Variants in AGAP1 observed in about 807,000 individuals in gnomAD.
AGAP1 encodes the protein arf-GAP with GTPase, ANK repeat and PH domain-containing protein 1.
In AGAP1, 29 loss-of-function variants were observed where a neutral mutation model predicts 105.3. The observed-to-expected ratio is 0.28, with a 90% CI of 0.21 to 0.38. The LOEUF (loss-of-function observed/expected upper bound fraction) is 0.38. Ranked by LOEUF, AGAP1 falls within the 10% of genes least tolerant of loss-of-function variation. The pLI, the probability that AGAP1 is intolerant of heterozygous loss-of-function variation, is 1.00. For synonymous variants in AGAP1, 509 were observed against 485.9 expected (o/e 1.05, Z -0.63); for missense variants, 998 against 1,165.1 (o/e 0.86, Z 2.09).
chr2:235,571,820 A>T (rs945704253), intron 1 of AGAP1, among the ~76,000 whole-genome samples: 1 of 151,436 alleles, frequency 6.6e-6, no homozygotes, highest in African/African-American at 2.4e-5. Flanking sequence ...CTGGTCTCAA[A>T]CTCCTAGGCT....
intron 4 of AGAP1, among the ~76,000 whole-genome samples, chr2:235,742,486 G>A (rs999878436): frequency 1.3e-5 from 2 of 152,206 alleles, no homozygotes; most frequent in African/African-American, 4.8e-5. Flanking sequence ...GAAAGACCTT[G>A]AAGACGTGTT....
rs565915249 is a variant in AGAP1, at chr2:235,973,793, C to T, written c.1645+5170C>T. Among the ~76,000 whole-genome samples the T allele has an allele frequency of 3.3e-5, 5 of 152,224 alleles. No individual in the cohort carries two copies. Among genetic ancestry groups the T allele is most frequent in the South Asian group, 2.1e-4 (1 of 4,826 alleles). On this transcript the variant is annotated intron_variant, in intron 13 of 17. Coordinates refer to ENST00000304032, the MANE Select transcript of AGAP1 (RefSeq NM_001037131.3). The surrounding 1 kb of genome is among the most constrained non-coding windows in gnomAD (Gnocchi z 4.7). Reference sequence around the variant, plus strand: ...GAGTGACCCCGACCCTGCATGGGGTCGGCATGGGTTGGACCAGGGCAGAGG... The same window carrying T: ...GAGTGACCCCGACCCTGCATGGGGTTGGCATGGGTTGGACCAGGGCAGAGG...
chr2:235,598,723 GTGCTGACTGTGCCACTCAGCA>G (rs1945627669), intron 1 of AGAP1, among the ~76,000 whole-genome samples: 1 of 152,200 alleles, frequency 6.6e-6, no homozygotes. Flanking sequence ...GTCCCTCCGG[GTGCTGACTGTGCCACTCAGCA>G]TGGTGGCCCA....
intron 6 of AGAP1, among the ~76,000 whole-genome samples, chr2:235,771,998 T>C (rs200710981): frequency 0.023 from 2,058 of 88,356 alleles, 48 homozygotes; most frequent in African/African-American, 0.064. Flanking sequence ...TCTTTTCTTA[T>C]CTTTTTTTTT....
Position 235,905,795 on chromosome 2 carries a change from C to T in AGAP1, c.1156-2943C>T, listed in dbSNP as rs148144150. On this transcript the variant is annotated intron_variant, in intron 10 of 17. Transcript: ENST00000304032. The surrounding 1 kb of genome is among the most constrained non-coding windows in gnomAD (Gnocchi z 4.2). ...ATTACAGGCGTGAGCCACCGCGCCCCGCCTGATGTGCTTTTCATTTGTCAC... is the reference window on the plus strand; with the variant it reads ...ATTACAGGCGTGAGCCACCGCGCCCTGCCTGATGTGCTTTTCATTTGTCAC... Among the ~76,000 whole-genome samples the T allele has an allele frequency of 7.2e-5, 11 of 152,298 alleles. No individual in the cohort carries two copies. In the East Asian group the frequency reaches 1.4e-3, roughly 19 times the overall value.
rs1010618450 is a variant in AGAP1 at position 235,549,159 on chromosome 2, T to C, written c.163+54310T>C. Among the ~76,000 whole-genome samples, 9 of 152,222 alleles carry C rather than the reference T, an allele frequency of 5.9e-5. No homozygotes were observed. The highest frequency in any genetic ancestry group is 1.0e-4 in the Non-Finnish European group (7 of 68,034). On this transcript the variant is annotated intron_variant, in intron 1 of 17. Transcript: ENST00000304032. This position sits in a 1 kb window ranked among gnomAD's most constrained non-coding sequence, Gnocchi z 4.2. ...TCTTCTTCCTGGATTTTATACCTCCTAGTTCTTTGAGGACAGTTTGCCACG... is the reference window on the plus strand; with the variant it reads ...TCTTCTTCCTGGATTTTATACCTCCCAGTTCTTTGAGGACAGTTTGCCACG...
At position 235,574,827 on chromosome 2, in the gene AGAP1, C is replaced by G. The variant is rs763925103; in HGVS notation, c.163+79978C>G. Among the ~76,000 whole-genome samples the G allele has an allele frequency of 2.6e-5, 4 of 152,168 alleles. No individual in the cohort carries two copies. The highest frequency in any genetic ancestry group is 5.9e-5 in the Non-Finnish European group (4 of 68,024). On this transcript the variant is annotated intron_variant, in intron 1 of 17. Coordinates refer to ENST00000304032, the MANE Select transcript of AGAP1 (RefSeq NM_001037131.3). This position sits in a 1 kb window ranked among gnomAD's most constrained non-coding sequence, Gnocchi z 5.0. ...TTTTCTGAGACCTTTGGTTTAGAAT[C>G]TAAACTTTGTTGAGGCTGGGCGCAG...
chr2:236,014,428 G>T lies in AGAP1; in HGVS notation c.1646-22133G>T, dbSNP rs765252205. Among the ~76,000 whole-genome samples, 9 of 152,218 alleles carry T rather than the reference G, an allele frequency of 5.9e-5. No homozygotes were observed. Among genetic ancestry groups the T allele is most frequent in the Non-Finnish European group, 1.2e-4 (8 of 68,040 alleles). On this transcript the variant is annotated intron_variant, in intron 13 of 17. Transcript: ENST00000304032. This position sits in a 1 kb window ranked among gnomAD's most constrained non-coding sequence, Gnocchi z 6.3. ...ATTTGGCCGAATCAAAGGGCTTGTG[G>T]CGACTGGCATCATAGCTCCTTCAAA...
At chr2:236,098,225 A>C (rs1346032708) in intron 16 of AGAP1, among the ~76,000 whole-genome samples, 1 of 152,106 alleles carries the variant, frequency 6.6e-6, no homozygotes, top group Non-Finnish European at 1.5e-5. Context: ...TGGACTATAC[A>C]CTAATTCCAC....
intron 1 of AGAP1, among the ~76,000 whole-genome samples, chr2:235,630,370 C>T (rs1946787694): frequency 6.6e-6 from 1 of 152,034 alleles, no homozygotes; most frequent in African/African-American, 2.4e-5. Context: ...ACCACCAAGC[C>T]CAGCTAATTT....
intron 17 of AGAP1, among the ~76,000 whole-genome samples, chr2:236,122,846 A>T (rs1170588817): frequency 6.6e-6 from 1 of 151,558 alleles, no homozygotes; most frequent in Non-Finnish European, 1.5e-5. Flanking sequence ...CACCATGCCC[A>T]GATAATTTCT....
chr2:235,907,311 C>G (rs1015636754), intron 10 of AGAP1, among the ~76,000 whole-genome samples: 1 of 151,774 alleles, frequency 6.6e-6, no homozygotes, highest in Non-Finnish European at 1.5e-5. Flanking sequence ...GGCAGTTCTT[C>G]TAAAATTACG....
chr2:236,111,570 C>T (rs977346220), intron 16 of AGAP1, among the ~76,000 whole-genome samples: 1 of 151,840 alleles, frequency 6.6e-6, no homozygotes, highest in Non-Finnish European at 1.5e-5. Context: ...GCAGGTGGAT[C>T]ACTTGAGTCC....
chr2:235,657,980 C>G (rs1258208481), intron 1 of AGAP1, among the ~76,000 whole-genome samples: 2 of 152,174 alleles, frequency 1.3e-5, no homozygotes, highest in Middle Eastern at 3.2e-3. Flanking sequence ...AGAGACCAGC[C>G]CTGTCCACAC....
chr2:235,961,770 G>C lies in AGAP1; in HGVS notation c.1484-6692G>C, dbSNP rs969306649. On this transcript the variant is annotated intron_variant, in intron 12 of 17. Coordinates refer to ENST00000304032, the MANE Select transcript of AGAP1 (RefSeq NM_001037131.3). The surrounding 1 kb of genome is among the most constrained non-coding windows in gnomAD (Gnocchi z 5.9). ...AAAAATACGAAAATTAGCTGGGCGT[G>C]GTGCAGGAGAATCTCTTGAACCCAG... Among the ~76,000 whole-genome samples, 1 of 152,234 alleles carries C rather than the reference G, an allele frequency of 6.6e-6. No individual in the cohort carries two copies. Among genetic ancestry groups the C allele is most frequent in the Non-Finnish European group, 1.5e-5 (1 of 68,048 alleles).
Position 235,610,260 on chromosome 2 carries a change from G to T in AGAP1, c.164-98919G>T, listed in dbSNP as rs1230419195. Among the ~76,000 whole-genome samples the T allele has an allele frequency of 1.3e-5, 2 of 152,190 alleles. No homozygotes were observed. The highest frequency in any genetic ancestry group is 4.8e-5 in the African/African-American group (2 of 41,462). Reference sequence around the variant, plus strand: ...TCTAGCTTCTTCGTTGGCCAGACAGGATCTGCTGTATCCTTATGATACCTC... The same window carrying T: ...TCTAGCTTCTTCGTTGGCCAGACAGTATCTGCTGTATCCTTATGATACCTC... On this transcript the variant is annotated intron_variant, in intron 1 of 17. Transcript: ENST00000304032. The surrounding 1 kb of genome is among the most constrained non-coding windows in gnomAD (Gnocchi z 4.9).
rs1413798278 is a variant in AGAP1, at chr2:236,104,252, A to AGGCC, written c.2115-15939_2115-15936dup. The stretch of plus-strand genomic sequence containing the variant: ...TGGCTGCTGTGAGAGATACGCCACC[A>AGGCC]GGCCAGGCTGACATGGGCAGTTCCA... On this transcript the variant is annotated intron_variant, in intron 16 of 17. Coordinates refer to ENST00000304032, the MANE Select transcript of AGAP1 (RefSeq NM_001037131.3). The surrounding 1 kb of genome is among the most constrained non-coding windows in gnomAD (Gnocchi z 4.7). 1.3e-5 allele frequency among the ~76,000 whole-genome samples: 2 copies of AGGCC among 152,236 alleles called. No homozygotes were observed. Among genetic ancestry groups the AGGCC allele is most frequent in the Non-Finnish European group, 2.9e-5 (2 of 68,036 alleles).
At chr2:235,770,148 G>A (rs1955318051) in intron 6 of AGAP1, among the ~76,000 whole-genome samples, 2 of 85,648 alleles carry the variant, frequency 2.3e-5, no homozygotes, top group Admixed American at 3.4e-4. Flanking sequence ...TTTTTTTTGA[G>A]ACGGAGTCTC....
chr2:235,848,440 C>T (rs1171114978), intron 9 of AGAP1, among the ~76,000 whole-genome samples: 1 of 152,188 alleles, frequency 6.6e-6, no homozygotes, highest in African/African-American at 2.4e-5. Flanking sequence ...TATTCAGCTG[C>T]CTGTACCATA....
Sources: allele counts gnomAD v4.1 joint callset (sites outside exome capture counted in the v4.1 genomes callset), GRCh38; gene constraint gnomAD v4.1.1; non-coding constraint Gnocchi (gnomAD v3.1); transcripts MANE v1.5; gene names NCBI Gene and HGNC (gene_info 2026-07-23, HGNC 2026-07-21).